RAD51B: variants seen among roughly 807,000 people sequenced by gnomAD.
The protein encoded by RAD51B is DNA repair protein RAD51 homolog 2.
RAD51B carries 38 observed loss-of-function variants against 42.2 expected under a neutral mutation model. The observed-to-expected ratio is 0.90, with a 90% CI of 0.70 to 1.18. The LOEUF (loss-of-function observed/expected upper bound fraction) is 1.18, where lower values mean the gene tolerates loss of function less well. Among genes scored for constraint, RAD51B ranks in the 50% most tolerant of loss-of-function variants. The pLI is 0.00. For missense variants in RAD51B, 373 were observed against 400.7 expected, an observed-to-expected ratio of 0.93 and a Z score of 0.59; for synonymous variants, 154 against 145.2, an observed-to-expected ratio of 1.06 and a Z score of -0.43.
intron 11 of RAD51B, among the ~76,000 whole-genome samples, chr14:68,670,982 G>A (rs1358624433): frequency 1.3e-5 from 2 of 152,162 alleles, no homozygotes; most frequent in Non-Finnish European, 2.9e-5. Context: ...TGACCAGATT[G>A]CACCCTGATG....
intron 10 of RAD51B, among the ~76,000 whole-genome samples, chr14:68,518,563 C>CA (rs1267409917): frequency 2.0e-5 from 3 of 151,052 alleles, no homozygotes; most frequent in Admixed American, 6.6e-5. Flanking sequence ...AGCCCCCCCC[C>CA]CAGGCCTCCC....
chr14:67,902,210 ATAATAT>A (rs1000346382), intron 7 of RAD51B, among the ~76,000 whole-genome samples: 16 of 152,216 alleles, frequency 1.1e-4, no homozygotes, highest in African/African-American at 3.4e-4. Flanking sequence ...ATTATTACTA[ATAATAT>A]TAATAGATGA....
chr14:67,934,283 A>G (rs1266385666), intron 7 of RAD51B, among the ~76,000 whole-genome samples: 1 of 152,186 alleles, frequency 6.6e-6, no homozygotes, highest in Non-Finnish European at 1.5e-5. Context: ...GCAGTCTTTA[A>G]GATGCAGATT....
At position 68,082,936 on chromosome 14, in the gene RAD51B, A is replaced by C. The variant is rs149352883; in HGVS notation, c.756+195732A>C. ...ATGCACACTGCTGAACTGTCTAATA[A>C]TAGTCTCTTTCCCCAGGACACTCTC... On this transcript the variant is annotated intron_variant, in intron 7 of 10. Transcript: ENST00000471583. Among the ~76,000 whole-genome samples, 591 of 152,276 alleles carry C rather than the reference A, an allele frequency of 3.9e-3. 1 individual carries two copies. Among genetic ancestry groups the C allele is most frequent in the Middle Eastern group, 0.017 (5 of 294 alleles).
intron 7 of RAD51B, among the ~76,000 whole-genome samples, chr14:68,128,711 G>T (rs1297292155): frequency 6.6e-6 from 1 of 151,994 alleles, no homozygotes; most frequent in Admixed American, 6.6e-5. Flanking sequence ...GTGAGTGGGG[G>T]GGCTTGTAGA....
chr14:68,548,510 G>C (rs1171787683), intron 10 of RAD51B, among the ~76,000 whole-genome samples: 1 of 152,254 alleles, frequency 6.6e-6, no homozygotes, highest in Non-Finnish European at 1.5e-5. Flanking sequence ...CGCAGGAGCT[G>C]GTTCCGAGAT....
Position 68,634,868 on chromosome 14 carries a change from G to T in RAD51B, c.1037-15913G>T, listed in dbSNP as rs752507624. On this transcript the variant is annotated intron_variant, in intron 10 of 11. Coordinates refer to the RAD51B transcript ENST00000488612. Reference sequence around the variant, plus strand: ...GACAGAGTATGAGGGAGGAGGAAAAGGTAGAGGGTAGAGGAATGCATCCTG... The same window carrying T: ...GACAGAGTATGAGGGAGGAGGAAAATGTAGAGGGTAGAGGAATGCATCCTG... Among the ~76,000 whole-genome samples, 163 of 152,290 alleles carry T rather than the reference G, an allele frequency of 1.1e-3. 1 individual carries two copies. The highest frequency in any genetic ancestry group is 1.8e-3 in the Non-Finnish European group (125 of 68,034).
chr14:67,829,042 G>C (rs2040934863), intron 3 of RAD51B, among the ~76,000 whole-genome samples: 1 of 151,962 alleles, frequency 6.6e-6, no homozygotes, highest in Non-Finnish European at 1.5e-5. Context: ...TAGTTTAATG[G>C]GAATAGCATT....
At chr14:68,113,752 T>C (rs1265987330) in intron 7 of RAD51B, 1 of 152,124 alleles carries the variant, frequency 6.6e-6, no homozygotes, top group Non-Finnish European at 1.5e-5. Context: ...GGAGCCCTTA[T>C]CACAGTCACT....
At chr14:68,237,876 A>G (rs1429491274) in intron 7 of RAD51B, among the ~76,000 whole-genome samples, 1 of 151,786 alleles carries the variant, frequency 6.6e-6, no homozygotes, top group Non-Finnish European at 1.5e-5. Context: ...CTGGGATTAC[A>G]GGCATGCACC....
At chr14:68,266,445 T>C (rs1469154665) in intron 7 of RAD51B, among the ~76,000 whole-genome samples, 1 of 152,202 alleles carries the variant, frequency 6.6e-6, no homozygotes, top group Non-Finnish European at 1.5e-5. Flanking sequence ...AATGAAGATC[T>C]TAAGGCCTAC....
At chr14:68,543,688 T>C (rs1463429389) in intron 10 of RAD51B, among the ~76,000 whole-genome samples, 1 of 152,214 alleles carries the variant, frequency 6.6e-6, no homozygotes, top group Non-Finnish European at 1.5e-5. Flanking sequence ...ACAGCTTCGA[T>C]GAGACCTAGA....
chr14:68,282,859 T>G (rs914401229), intron 7 of RAD51B, among the ~76,000 whole-genome samples: 2 of 152,018 alleles, frequency 1.3e-5, no homozygotes, highest in African/African-American at 4.8e-5. Flanking sequence ...AAGCCCAGAG[T>G]TGCTTACTCT....
At chr14:68,372,630 T>C (rs2139956595) in intron 8 of RAD51B, among the ~76,000 whole-genome samples, 1 of 151,980 alleles carries the variant, frequency 6.6e-6, no homozygotes, top group South Asian at 2.1e-4. Context: ...GAAAAGAGGG[T>C]CATTAAAAAC....
intron 8 of RAD51B, among the ~76,000 whole-genome samples, chr14:68,345,059 A>T (rs576856530): frequency 6.6e-6 from 1 of 151,914 alleles, no homozygotes; most frequent in African/African-American, 2.4e-5. Flanking sequence ...GAATGGGAAT[A>T]TTTACCCAAT....
chr14:67,822,607 C>T (rs994251164), intron 1 of RAD51B, among the ~76,000 whole-genome samples: 1 of 152,032 alleles, frequency 6.6e-6, no homozygotes, highest in Non-Finnish European at 1.5e-5. Context: ...CTTGTGGTCC[C>T]AGCTACTTGG....
intron 10 of RAD51B, among the ~76,000 whole-genome samples, chr14:68,637,697 T>A (rs1222751824): frequency 6.6e-6 from 1 of 152,148 alleles, no homozygotes; most frequent in African/African-American, 2.4e-5. Flanking sequence ...AGGATGTGAA[T>A]AAGACATAAA....
chr14:68,560,134 G>T (rs1889067794), intron 10 of RAD51B, among the ~76,000 whole-genome samples: 2 of 152,152 alleles, frequency 1.3e-5, no homozygotes, highest in South Asian at 4.1e-4. Flanking sequence ...AGCATACTCA[G>T]ATGTTACAGG....
chr14:68,121,024 G>T (rs1362217667), intron 7 of RAD51B, among the ~76,000 whole-genome samples: 2 of 152,146 alleles, frequency 1.3e-5, no homozygotes, highest in Admixed American at 6.5e-5. Context: ...TTTAGAGAAG[G>T]TATAATGTAA....
Sources: allele counts gnomAD v4.1 joint callset (sites outside exome capture counted in the v4.1 genomes callset), GRCh38; gene constraint gnomAD v4.1.1; transcripts MANE v1.5; gene names NCBI Gene and HGNC (gene_info 2026-07-23, HGNC 2026-07-21).